GRM4: variants seen among roughly 807,000 people sequenced by gnomAD.
GRM4 encodes the protein metabotropic glutamate receptor 4.
GRM4 carries 28 observed loss-of-function variants against 81.7 expected under a neutral mutation model. The ratio of observed to expected loss-of-function variants is 0.34; its 90% CI spans 0.25 to 0.47. The LOEUF (loss-of-function observed/expected upper bound fraction) is 0.47. GRM4 is among the 20% of genes least tolerant of loss of function. The pLI is 1.00. For missense variants in GRM4, 948 were observed against 1,290.0 expected (o/e 0.73, Z 4.06); for synonymous variants, 488 against 528.8 (o/e 0.92, Z 1.06).
intron 1 of GRM4, among the ~76,000 whole-genome samples, chr6:34,140,640 C>T (rs1290490534): frequency 1.3e-5 from 2 of 152,224 alleles, no homozygotes; most frequent in Non-Finnish European, 2.9e-5. Flanking sequence ...CTCACGCTTG[C>T]CTGGATCTCC....
intron 3 of GRM4, among the ~76,000 whole-genome samples, chr6:34,072,161 C>CAT (rs1271688910): frequency 2.4e-5 from 2 of 84,044 alleles, no homozygotes; most frequent in East Asian, 3.5e-4. Context: ...ACCACACACA[C>CAT]CCATACATCA....
chr6:34,150,153 A>C (rs529848569), upstream of GRM4, among the ~76,000 whole-genome samples: 1 of 152,060 alleles, frequency 6.6e-6, no homozygotes, highest in East Asian at 1.9e-4. Flanking sequence ...TCCCAGGTAC[A>C]CAGCGCATTT....
chr6:34,064,078 GA>G lies in GRM4; in HGVS notation c.737-2051del, dbSNP rs1223321486. On this transcript the variant is annotated intron_variant, in intron 3 of 10. Coordinates refer to ENST00000538487, the MANE Select transcript of GRM4 (RefSeq NM_000841.4). The surrounding 1 kb of genome is among the most constrained non-coding windows in gnomAD (Gnocchi z 4.4). ...AGCTTCGTTTTGCTGGTGAAGGAAG[GA>G]TTAGGTGACCACGGCTCAGTCAGCG... Among the ~76,000 whole-genome samples the G allele has an allele frequency of 6.6e-6, 1 of 152,198 alleles. No individual in the cohort carries two copies. Among genetic ancestry groups the G allele is most frequent in the Non-Finnish European group, 1.5e-5 (1 of 68,048 alleles).
chr6:34,022,633 T>A lies in GRM4; in HGVS notation c.*188A>T. On this transcript the variant is annotated 3_prime_UTR_variant, in exon 11 of 11. Coordinates refer to ENST00000538487, the MANE Select transcript of GRM4 (RefSeq NM_000841.4). The surrounding 1 kb of genome is among the most constrained non-coding windows in gnomAD (Gnocchi z 5.6). ...GCACCGCCCCGGCCCCTCGTCCTCCTGTTGCTCACCCGGTTTGCCCAGGCT... is the reference window on the plus strand; with the variant it reads ...GCACCGCCCCGGCCCCTCGTCCTCCAGTTGCTCACCCGGTTTGCCCAGGCT... The A allele has an allele frequency of 1.6e-6, 1 of 612,028 alleles. No homozygotes were observed. Among genetic ancestry groups the A allele is most frequent in the Non-Finnish European group, 2.9e-6 (1 of 340,350 alleles). 37.9% of individuals were successfully genotyped at this position (612,028 alleles called of 1,614,324 possible).
Position 34,132,987 on chromosome 6 carries a change from G to T in GRM4, c.510C>A (p.Arg170=), listed in dbSNP as rs775710648. The change falls in exon 2 of 11, where the codon CGC becomes CGA. Residue 170 remains arginine, a synonymous_variant. Coordinates refer to ENST00000538487, the MANE Select transcript of GRM4 (RefSeq NM_000841.4). ...CAACCAAGGCACTGACCTTGAAGAGGCGAAGGATGTTGGCCACCATGATGG... is the reference window on the plus strand; with the variant it reads ...CAACCAAGGCACTGACCTTGAAGAGTCGAAGGATGTTGGCCACCATGATGG... ...SVSIMVANIL[R]LFKIPQISYA... The T allele has an allele frequency of 6.2e-7, 1 of 1,600,690 alleles. No homozygotes were observed. Among genetic ancestry groups the T allele is most frequent in the Non-Finnish European group, 8.5e-7 (1 of 1,172,334 alleles).
At chr6:34,153,006 G>A (rs946879570) in intron 1 of GRM4, among the ~76,000 whole-genome samples, 6 of 152,152 alleles carry the variant, frequency 3.9e-5, no homozygotes, top group African/African-American at 1.2e-4. Context: ...ACCAGCCAGT[G>A]CAATGATTCC....
In GRM4 at chr6:34,092,117, C is replaced by T. The variant is rs769459472; in HGVS notation, c.520-18G>A. On this transcript the variant is annotated intron_variant, in intron 2 of 10. Coordinates refer to ENST00000538487, the MANE Select transcript of GRM4 (RefSeq NM_000841.4). This position sits in a 1 kb window ranked among gnomAD's most constrained non-coding sequence, Gnocchi z 6.8. The stretch of plus-strand genomic sequence containing the variant: ...TGGGGTATCTGAGGGGCGAGAGGGG[C>T]TGCTGAGGGTGGCGACTGGCTCCCC... 5.1e-6 allele frequency: 8 copies of T among 1,561,742 alleles called. No individual in the cohort carries two copies. Among genetic ancestry groups the T allele is most frequent in the Admixed American group, 5.1e-5 (3 of 58,884 alleles).
rs372057436 is a variant in GRM4, at chr6:34,102,180, AG to A, written c.520-10082del. On this transcript the variant is annotated intron_variant, in intron 2 of 10. Coordinates refer to ENST00000538487, the MANE Select transcript of GRM4 (RefSeq NM_000841.4). ...GTGTGCAGGGGACAGGAGCAATAAT[AG>A]GTCTCCCCACTTCCTGCAAAATTCA... 2.7e-5 allele frequency: 41 copies of A among 1,532,186 alleles called. No individual in the cohort carries two copies. The East Asian group carries it at 6.6e-4, about 25-fold the overall frequency. 94.9% of individuals were successfully genotyped at this position (1,532,186 alleles called of 1,614,324 possible).
chr6:34,069,154 C>A lies in GRM4; in HGVS notation c.737-7126G>T, dbSNP rs1216942500. ...CAGGGGCTGGAAGCTACCCCTGGAC[C>A]CTCATGGGCGTATACACACACACAC... is the stretch of plus-strand genomic sequence containing the variant. On this transcript the variant is annotated intron_variant, in intron 3 of 10. Transcript: ENST00000538487. The surrounding 1 kb of genome is among the most constrained non-coding windows in gnomAD (Gnocchi z 6.4). Among the ~76,000 whole-genome samples, 1 of 146,098 alleles carries A rather than the reference C, an allele frequency of 6.8e-6. No homozygotes were observed.
chr6:34,141,989 A>G, intron 1 of GRM4, among the ~76,000 whole-genome samples: 1 of 152,182 alleles, frequency 6.6e-6, no homozygotes, highest in East Asian at 1.9e-4. Flanking sequence ...AGCAGCCTGC[A>G]CTCTACAGGG....
At chr6:34,030,920 G>A (rs1764378201) in intron 9 of GRM4, among the ~76,000 whole-genome samples, 1 of 152,214 alleles carries the variant, frequency 6.6e-6, no homozygotes, top group Non-Finnish European at 1.5e-5. Context: ...TGGGAGGTAG[G>A]CCCTGTACAC....
intron 2 of GRM4, among the ~76,000 whole-genome samples, chr6:34,098,967 C>A (rs1044733822): frequency 2.6e-5 from 4 of 151,530 alleles, no homozygotes; most frequent in African/African-American, 9.7e-5. Flanking sequence ...GAGCCGGTCT[C>A]ACCTGCACCT....
chr6:34,126,411 C>T (rs1433293210), intron 2 of GRM4, among the ~76,000 whole-genome samples: 2 of 152,120 alleles, frequency 1.3e-5, no homozygotes, highest in East Asian at 3.9e-4. Context: ...CTCGTTCAGC[C>T]CCCACCCCCA....
intron 1 of GRM4, among the ~76,000 whole-genome samples, chr6:34,139,573 C>T (rs557279248): frequency 6.6e-6 from 1 of 152,260 alleles, no homozygotes; most frequent in East Asian, 1.9e-4. Context: ...GACACAGAAC[C>T]TCTCTCATGT....
rs1435389010 is a variant in GRM4 at position 34,155,103 on chromosome 6, G to A, written c.288C>T (p.Arg96=). The change falls in exon 1 of 9, where the codon CGC becomes CGT. Residue 96 remains arginine (R), a synonymous_variant. Coordinates refer to the GRM4 transcript ENST00000374177. ...CCTGAGCAGATTCCGGAAGGAGGCA[G>A]CGGGGGCGGCGGGGGTCTATTTCAG... 7 of 1,526,652 alleles carry A rather than the reference G, an allele frequency of 4.6e-6. No homozygotes were observed. In the Admixed American group the frequency reaches 1.0e-4, roughly 22 times the overall value. 94.6% of individuals were successfully genotyped at this position (1,526,652 alleles called of 1,614,324 possible). A position where few individuals can be genotyped will look rare whatever the true frequency, so the allele number is the denominator to read the frequency against.
intron 2 of GRM4, among the ~76,000 whole-genome samples, chr6:34,096,231 C>T (rs1561810008): frequency 6.6e-6 from 1 of 152,194 alleles, no homozygotes. Context: ...CCTGACCAAG[C>T]ACAGGCGTCC....
intron 3 of GRM4, among the ~76,000 whole-genome samples, chr6:34,082,572 C>T (rs186668304): frequency 5.9e-5 from 9 of 152,312 alleles, no homozygotes; most frequent in South Asian, 2.1e-4. Flanking sequence ...GTCACACAGC[C>T]GCCCAGGGAC....
rs1470122641 is a variant in GRM4, at chr6:34,034,384, G to C, written c.2442+1284C>G. Among the ~76,000 whole-genome samples the C allele has an allele frequency of 1.3e-5, 2 of 152,122 alleles. No homozygotes were observed. The highest frequency in any genetic ancestry group is 2.4e-5 in the African/African-American group (1 of 41,414). On this transcript the variant is annotated intron_variant, in intron 9 of 10. Coordinates refer to ENST00000538487, the MANE Select transcript of GRM4 (RefSeq NM_000841.4). The surrounding 1 kb of genome is among the most constrained non-coding windows in gnomAD (Gnocchi z 4.0). ...ACCAGCCAGTCTCCAGACAGGCCCA[G>C]ACTCCCCCACTCCCCACTGCATCTG...
intron 1 of GRM4, among the ~76,000 whole-genome samples, chr6:34,145,130 G>A (rs1404024775): frequency 6.6e-6 from 1 of 151,998 alleles, no homozygotes; most frequent in Non-Finnish European, 1.5e-5. Flanking sequence ...GGTCGGCTGC[G>A]TGCCGGCCTG....
Sources: gnomAD v4.1 joint callset for allele counts (sites outside exome capture counted in the v4.1 genomes callset) on GRCh38, gnomAD v4.1.1 for gene constraint, Gnocchi (gnomAD v3.1) non-coding constraint, MANE v1.5 for transcripts, NCBI Gene and HGNC (gene_info 2026-07-23, HGNC 2026-07-21) for gene names.